The following ALDH2 variants were observed in gnomAD, a reference collection of about 807,000 sequenced individuals.
ALDH2 encodes aldehyde dehydrogenase, mitochondrial.
In ALDH2, 44 loss-of-function variants were observed where a neutral mutation model predicts 59.6. The observed-to-expected ratio is 0.74, with a 90% CI of 0.58 to 0.95. The LOEUF (loss-of-function observed/expected upper bound fraction) is 0.95, where lower values mean the gene tolerates loss of function less well. ALDH2 is among the 40% of genes least tolerant of loss of function. ALDH2 has a pLI of 0.00. For missense variants in ALDH2, 570 were observed against 696.3 expected, an observed-to-expected ratio of 0.82 and a Z score of 2.04; for synonymous variants, 291 against 284.0, an observed-to-expected ratio of 1.02 and a Z score of -0.25.
chr12:111,771,736 G>C (rs2068201469), intron 1 of ALDH2, among the ~76,000 whole-genome samples: 1 of 152,200 alleles, frequency 6.6e-6, no homozygotes, highest in African/African-American at 2.4e-5. Context: ...GGTGGTTACT[G>C]CCTGAGTGGG....
At chr12:111,780,956 A>G (rs2068267299) in intron 1 of ALDH2, among the ~76,000 whole-genome samples, 1 of 152,034 alleles carries the variant, frequency 6.6e-6, no homozygotes, top group South Asian at 2.1e-4. Context: ...AAGAAATACA[A>G]AAATTAGCCA....
At chr12:111,771,750 G>T (rs1288361386) in intron 1 of ALDH2, among the ~76,000 whole-genome samples, 1 of 152,198 alleles carries the variant, frequency 6.6e-6, no homozygotes, top group African/African-American at 2.4e-5. Context: ...GAGTGGGCAG[G>T]ACAGGATAAG....
At chr12:111,778,929 G>T (rs1405379736) in intron 1 of ALDH2, among the ~76,000 whole-genome samples, 1 of 151,834 alleles carries the variant, frequency 6.6e-6, no homozygotes, top group Non-Finnish European at 1.5e-5. Flanking sequence ...TGCAATCACG[G>T]CTTACTGCAG....
chr12:111,772,405 C>T (rs2068205852), intron 1 of ALDH2, among the ~76,000 whole-genome samples: 1 of 152,136 alleles, frequency 6.6e-6, no homozygotes, highest in African/African-American at 2.4e-5. Context: ...CACTCTGTCG[C>T]CCGGGCTGGA....
At chr12:111,800,734 C>G (rs1195000819) in intron 11 of ALDH2, among the ~76,000 whole-genome samples, 1 of 152,070 alleles carries the variant, frequency 6.6e-6, no homozygotes, top group Non-Finnish European at 1.5e-5. Flanking sequence ...TGGAAAATGG[C>G]ACACTCATTG....
chr12:111,805,448 C>T (rs141061085), intron 12 of ALDH2, among the ~76,000 whole-genome samples: 1 of 152,230 alleles, frequency 6.6e-6, no homozygotes, highest in African/African-American at 2.4e-5. Context: ...TCTCAGTCTC[C>T]CGAGTAGCTG....
At chr12:111,795,373 C>A (rs796638432) in intron 9 of ALDH2, among the ~76,000 whole-genome samples, 19 of 152,220 alleles carry the variant, frequency 1.2e-4, no homozygotes, top group African/African-American at 4.6e-4. Context: ...ACCTCCACCT[C>A]CTAGGTTCAA....
intron 1 of ALDH2, 104 bp downstream of exon 1, chr12:111,767,200 G>A: frequency 2.1e-6 from 2 of 937,466 alleles, no homozygotes; most frequent in Non-Finnish European, 3.0e-6. Flanking sequence ...CTCATCTGGG[G>A]CTCGAGGGGT....
rs2068473871 is a variant in ALDH2, at chr12:111,803,977, A to G, written c.1521+4A>G. On this transcript the variant is annotated splice_donor_region_variant and intron_variant, in intron 12 of 12. Coordinates refer to ENST00000261733, the MANE Select transcript of ALDH2 (RefSeq NM_000690.4). ...GGCATACACTGAAGTGAAAACTGTG[A>G]GTGTGGGACCTGCTGGGGGCTCAGG... The G allele has an allele frequency of 1.3e-6, 2 of 1,573,470 alleles. No individual in the cohort carries two copies. Among genetic ancestry groups the G allele is most frequent in the African/African-American group, 2.7e-5 (2 of 73,010 alleles).
chr12:111,786,716 T>G (rs368305983), intron 4 of ALDH2, among the ~76,000 whole-genome samples: 7 of 152,030 alleles, frequency 4.6e-5, no homozygotes, highest in African/African-American at 1.4e-4. Flanking sequence ...TGGATACTTT[T>G]TAAATTTTTT....
At chr12:111,784,995 G>A (rs1357455158) in intron 3 of ALDH2, among the ~76,000 whole-genome samples, 2 of 152,198 alleles carry the variant, frequency 1.3e-5, no homozygotes, top group Non-Finnish European at 2.9e-5. Flanking sequence ...ACCTGGATAT[G>A]GTAGAGAGCA....
At chr12:111,787,358 T>C (rs530348512) in intron 4 of ALDH2, among the ~76,000 whole-genome samples, 7 of 152,332 alleles carry the variant, frequency 4.6e-5, no homozygotes, top group South Asian at 2.1e-4. Context: ...AGTTTTTACA[T>C]TGGGACCTGG....
chr12:111,790,360 G>T, intron 5 of ALDH2, 74 bp from the exon 6 acceptor site: 1 of 1,597,338 alleles, frequency 6.3e-7, no homozygotes, highest in South Asian at 1.1e-5. Flanking sequence ...GCCCTCTGGG[G>T]TTGCCACCTT....
At chr12:111,806,043 G>A (rs549293774) in intron 12 of ALDH2, among the ~76,000 whole-genome samples, 1 of 147,964 alleles carries the variant, frequency 6.8e-6, no homozygotes, top group South Asian at 2.1e-4. Flanking sequence ...GCCGGGCGCA[G>A]TGGCTCACAC....
rs187236342 is a variant in ALDH2 at position 111,813,354 on chromosome 12, A to G, written c.*3779A>G. 6.6e-6 allele frequency: 1 copy of G among 152,370 alleles called. No individual in the cohort carries two copies. The highest frequency in any genetic ancestry group is 1.9e-4 in the East Asian group (1 of 5,194). 9.4% of individuals were successfully genotyped at this position (152,370 alleles called of 1,614,324 possible). ...ATTGAACTACGACGCTATTTCTCCA[A>G]GAATTAACAGGACAGCCCCTCCCAC... On this transcript the variant is annotated 3_prime_UTR_variant, in exon 13 of 13. Coordinates refer to ENST00000261733, the MANE Select transcript of ALDH2 (RefSeq NM_000690.4).
chr12:111,780,852 GTGACTCACACC>G, intron 1 of ALDH2, among the ~76,000 whole-genome samples: 2 of 152,308 alleles, frequency 1.3e-5, no homozygotes. Flanking sequence ...GCTGGGCATG[GTGACTCACACC>G]TGCAATCCCA....
intron 4 of ALDH2, among the ~76,000 whole-genome samples, chr12:111,788,343 A>G (rs2068329250): frequency 6.6e-6 from 1 of 152,244 alleles, no homozygotes; most frequent in African/African-American, 2.4e-5. Context: ...TGCGAGGGGA[A>G]GGGTACTACT....
intron 8 of ALDH2, among the ~76,000 whole-genome samples, 190 bp from the exon 9 acceptor site, chr12:111,792,408 G>A (rs769224658): frequency 1.3e-5 from 2 of 152,230 alleles, no homozygotes; most frequent in South Asian, 2.1e-4. Flanking sequence ...TCCACTTGCC[G>A]CCATCACGCC....
chr12:111,780,930 G>A (rs2068267174), intron 1 of ALDH2, among the ~76,000 whole-genome samples: 1 of 152,056 alleles, frequency 6.6e-6, no homozygotes, highest in Admixed American at 6.6e-5. Context: ...GGAACATAGA[G>A]GGACCTCATC....
Sources: gnomAD v4.1 joint callset for allele counts (sites outside exome capture counted in the v4.1 genomes callset) on GRCh38, gnomAD v4.1.1 for gene constraint, MANE v1.5 for transcripts, NCBI Gene and HGNC (gene_info 2026-07-23, HGNC 2026-07-21) for gene names.